The following IFRD1 variants were observed in gnomAD, a reference collection of about 807,000 sequenced individuals.
The protein encoded by IFRD1 is interferon-related developmental regulator 1.
In IFRD1, 35 loss-of-function variants were observed where a neutral mutation model predicts 52.9. That is an observed-to-expected ratio of 0.66 (90% CI 0.51 to 0.88). The LOEUF (loss-of-function observed/expected upper bound fraction) is 0.88, where lower values mean the gene tolerates loss of function less well. Ranked by LOEUF, IFRD1 falls within the 40% of genes least tolerant of loss-of-function variation. The pLI, the probability that IFRD1 is intolerant of heterozygous loss-of-function variation, is 0.00. For missense variants in IFRD1, 517 were observed against 550.8 expected, an observed-to-expected ratio of 0.94 and a Z score of 0.61; for synonymous variants, 184 against 188.4, an observed-to-expected ratio of 0.98 and a Z score of 0.19.
intron 1 of IFRD1, among the ~76,000 whole-genome samples, chr7:112,455,534 A>G (rs1201807896): frequency 1.3e-5 from 2 of 152,156 alleles, no homozygotes; most frequent in African/African-American, 4.8e-5. Context: ...CTCTTGTTAG[A>G]GGACTGATGC....
chr7:112,462,205 A>T (rs768040094), intron 7 of IFRD1, 26 bp downstream of exon 7: 13 of 1,612,196 alleles, frequency 8.1e-6, no homozygotes, highest in Non-Finnish European at 1.0e-5. Context: ...TTCATATTTT[A>T]TAAAAGCAAC....
Position 112,442,669 on chromosome 7 carries a change from G to C in IFRD1, c.-181-7839G>C, listed in dbSNP as rs530417327. On this transcript the variant is annotated intron_variant, in intron 1 of 12. Transcript: ENST00000005558. ...GAGTCACCTCCAAATGGGCTGAGAGGGACGGACAGCCACGGGCCACCTGGT... is the reference window on the plus strand; with the variant it reads ...GAGTCACCTCCAAATGGGCTGAGAGCGACGGACAGCCACGGGCCACCTGGT... 2.3e-3 allele frequency among the ~76,000 whole-genome samples: 350 copies of C among 152,306 alleles called. 1 individual carries two copies. Among genetic ancestry groups the C allele is most frequent in the Admixed American group, 5.2e-3 (80 of 15,312 alleles).
At chr7:112,445,190 C>T (rs960152075) in intron 1 of IFRD1, among the ~76,000 whole-genome samples, 1 of 151,772 alleles carries the variant, frequency 6.6e-6, no homozygotes, top group Non-Finnish European at 1.5e-5. Context: ...CCTCAGCCTC[C>T]CGAGTAGCTG....
At chr7:112,454,710 G>A (rs1309716020) in intron 1 of IFRD1, among the ~76,000 whole-genome samples, 12 of 151,964 alleles carry the variant, frequency 7.9e-5, no homozygotes, top group Admixed American at 7.9e-4. Flanking sequence ...ACCAGTTCAT[G>A]TTTGCTAAGT....
intron 1 of IFRD1, among the ~76,000 whole-genome samples, chr7:112,431,769 G>A (rs576494662): frequency 6.6e-6 from 1 of 152,290 alleles, no homozygotes; most frequent in South Asian, 2.1e-4. Context: ...AAAGAAAGGG[G>A]CTACCAAGTA....
rs1795180695 is a variant in IFRD1 at position 112,452,110 on chromosome 7, T to C, written c.94+1328T>C. 3.0e-6 allele frequency: 3 copies of C among 983,852 alleles called. No individual in the cohort carries two copies. The African/African-American group carries it at 5.2e-5, about 17-fold the overall frequency. 60.9% of individuals were successfully genotyped at this position (983,852 alleles called of 1,614,324 possible). The stretch of plus-strand genomic sequence containing the variant: ...TCATTCTTTATCAAGATGTAAAATA[T>C]GTAATTTATTGTGGCCTCTGGTTGC... On this transcript the variant is annotated intron_variant, in intron 1 of 11. Transcript: ENST00000403825.
intron 9 of IFRD1, among the ~76,000 whole-genome samples, chr7:112,471,137 G>GCTAT (rs1554509752): frequency 6.6e-6 from 1 of 152,102 alleles, no homozygotes; most frequent in East Asian, 1.9e-4. Context: ...TAACTCTACT[G>GCTAT]TTATTTATTT....
At chr7:112,471,600 C>T (rs986768862) in intron 9 of IFRD1, among the ~76,000 whole-genome samples, 1 of 152,080 alleles carries the variant, frequency 6.6e-6, no homozygotes, top group Non-Finnish European at 1.5e-5. Flanking sequence ...ATCCATCTGA[C>T]TTCTGTTTCT....
At chr7:112,426,604 T>G (rs1448169862) in intron 1 of IFRD1, among the ~76,000 whole-genome samples, 1 of 152,206 alleles carries the variant, frequency 6.6e-6, no homozygotes, top group Non-Finnish European at 1.5e-5. Flanking sequence ...CCCCTCCTCT[T>G]GGCCAAGGGG....
chr7:112,455,724 C>A, intron 1 of IFRD1, 39 bp from the exon 2 acceptor site: 1 of 1,319,250 alleles, frequency 7.6e-7, no homozygotes, highest in Non-Finnish European at 1.1e-6. Flanking sequence ...AGGTATATGG[C>A]AATAAAATAA....
chr7:112,472,298 A>G lies in IFRD1; in HGVS notation c.1121A>G (p.Tyr374Cys), dbSNP rs778791826. 7 of 1,613,894 alleles carry G rather than the reference A, an allele frequency of 4.3e-6. No homozygotes were observed. Among genetic ancestry groups the G allele is most frequent in the African/African-American group, 4.0e-5 (3 of 74,904 alleles). ...GATTGCTGGGTAAAAAAACACACCT[A>G]TGACACCTTTAAGGAGGTTCTTGGA... Reference protein sequence around the residue: ...YIDCWVKKHTYDTFKEVLGSG... With the variant: ...YIDCWVKKHTCDTFKEVLGSG... The change falls in exon 10 of 12, where the codon TAT (tyrosine) becomes TGT (cysteine). Residue 374 changes from tyrosine to cysteine, a missense_variant. Physicochemically the swap from Tyr to Cys is radical, Grantham distance 194. Transcript: ENST00000403825.
chr7:112,457,239 A>T, intron 4 of IFRD1: 1 of 619,684 alleles, frequency 1.6e-6, no homozygotes, highest in Non-Finnish European at 2.8e-6. Flanking sequence ...AAAAAAAAAT[A>T]GCTTGAAACT....
chr7:112,438,004 G>A lies in IFRD1; in HGVS notation c.-181-12504G>A, dbSNP rs188436324. ...GATGCATAATGCCAAAGAAGAAACA[G>A]GTAAAGAGTGGCGTAGGGGTAGAGT... On this transcript the variant is annotated intron_variant, in intron 1 of 12. Transcript: ENST00000005558. Among the ~76,000 whole-genome samples the A allele has an allele frequency of 1.1e-4, 16 of 152,308 alleles. 1 individual carries two copies. The highest frequency in any genetic ancestry group is 3.1e-4 in the African/African-American group (13 of 41,560).
At chr7:112,456,109 T>C (rs375961388) in intron 3 of IFRD1, 23 bp downstream of exon 3, 2 of 1,306,948 alleles carry the variant, frequency 1.5e-6, no homozygotes, top group African/African-American at 1.4e-5. Flanking sequence ...GGAAACTCCA[T>C]TCTGTGTGAG....
intron 5 of IFRD1, 31 bp downstream of exon 5, chr7:112,459,049 T>G (rs1420505243): frequency 6.4e-7 from 1 of 1,572,642 alleles, no homozygotes; most frequent in East Asian, 2.2e-5. Flanking sequence ...TTTATAGATC[T>G]GTCTATTCAT....
chr7:112,444,764 A>G (rs1197672324), intron 1 of IFRD1, among the ~76,000 whole-genome samples: 1 of 152,180 alleles, frequency 6.6e-6, no homozygotes, highest in Non-Finnish European at 1.5e-5. Context: ...GACTCTGGAC[A>G]TAAAAAAGCA....
intron 8 of IFRD1, 80 bp from the exon 9 acceptor site, chr7:112,467,901 A>G (rs1400369259): frequency 7.6e-7 from 1 of 1,316,756 alleles, no homozygotes; most frequent in Admixed American, 1.7e-5. Flanking sequence ...TTCCAAATGT[A>G]GACTGTTCTT....
intron 1 of IFRD1, among the ~76,000 whole-genome samples, chr7:112,444,382 A>C (rs1794970227): frequency 6.6e-6 from 1 of 152,240 alleles, no homozygotes; most frequent in African/African-American, 2.4e-5. Flanking sequence ...AAGAGTTCTA[A>C]CTAAATTTGC....
chr7:112,426,645 G>A (rs1373212897), intron 1 of IFRD1, among the ~76,000 whole-genome samples: 1 of 151,742 alleles, frequency 6.6e-6, no homozygotes, highest in Non-Finnish European at 1.5e-5. Flanking sequence ...AATTAATTCA[G>A]GCCATGATGG....
Sources: gnomAD v4.1 joint callset for allele counts (sites outside exome capture counted in the v4.1 genomes callset) on GRCh38, gnomAD v4.1.1 for gene constraint, MANE v1.5 for transcripts, NCBI Gene and HGNC (gene_info 2026-07-23, HGNC 2026-07-21) for gene names.